Variants in PUM3 observed in about 807,000 individuals in gnomAD.
The protein encoded by PUM3 is pumilio homolog 3.
PUM3 carries 91 observed loss-of-function variants against 84.0 expected under a neutral mutation model. That is an observed-to-expected ratio of 1.08 (90% confidence interval 0.91 to 1.29). PUM3 has a LOEUF of 1.29. PUM3 is among the 50% of genes most tolerant of loss of function. PUM3 has a pLI of 0.00. For synonymous variants in PUM3, 321 were observed against 266.7 expected, an observed-to-expected ratio of 1.20 and a Z score of -1.98; for missense variants, 1,067 against 767.5, an observed-to-expected ratio of 1.39 and a Z score of -4.61.
chr9:2,805,836 TA>T (rs1821245821), intron 17 of PUM3, among the ~76,000 whole-genome samples: 1 of 152,020 alleles, frequency 6.6e-6, no homozygotes, highest in South Asian at 2.1e-4. Context: ...AAAAGCTGAA[TA>T]ATTTTCCCAA....
chr9:2,829,705 G>A (rs146070603), intron 8 of PUM3, 69 bp downstream of exon 8: 12 of 1,313,056 alleles, frequency 9.1e-6, no homozygotes, highest in African/African-American at 7.4e-5. Flanking sequence ...AGATATATAG[G>A]GCACCGGAAG....
chr9:2,818,170 A>G (rs1357104672), intron 13 of PUM3, among the ~76,000 whole-genome samples: 1 of 152,244 alleles, frequency 6.6e-6, no homozygotes, highest in Non-Finnish European at 1.5e-5. Flanking sequence ...GAGTGATGGG[A>G]AAAATCCAAG....
At chr9:2,816,257 G>A (rs1435581499) in intron 13 of PUM3, among the ~76,000 whole-genome samples, 1 of 152,134 alleles carries the variant, frequency 6.6e-6, no homozygotes, top group East Asian at 1.9e-4. Context: ...TTTAACTAAT[G>A]GATAACAGAA....
intron 7 of PUM3, 82 bp from the exon 8 acceptor site, chr9:2,830,030 G>C (rs531966523): frequency 8.1e-7 from 1 of 1,227,488 alleles, no homozygotes; most frequent in African/African-American, 1.5e-5. Flanking sequence ...CTTCTCCCAA[G>C]ACCAACTCAT....
rs188634527 is a variant in PUM3 at position 2,839,736 on chromosome 9, G to T, written c.-10-1219C>A. Among the ~76,000 whole-genome samples the T allele has an allele frequency of 3.2e-4, 48 of 152,290 alleles. No individual in the cohort carries two copies. The East Asian group carries it at 7.7e-3, about 24-fold the overall frequency. On this transcript the variant is annotated intron_variant, in intron 1 of 17. Coordinates refer to ENST00000397885, the MANE Select transcript of PUM3 (RefSeq NM_014878.5). ...AACTGAAGGGTCACATTATTACTTG[G>T]CTATGGCCATCATAACCATACCTGC...
intron 13 of PUM3, among the ~76,000 whole-genome samples, chr9:2,816,245 G>C (rs1018072216): frequency 5.9e-5 from 9 of 152,136 alleles, no homozygotes; most frequent in Non-Finnish European, 1.2e-4. Context: ...AAAACTAAGA[G>C]ATTTAACTAA....
At chr9:2,819,034 C>T (rs954933299) in intron 13 of PUM3, among the ~76,000 whole-genome samples, 1 of 152,070 alleles carries the variant, frequency 6.6e-6, no homozygotes, top group Non-Finnish European at 1.5e-5. Context: ...TCCAAGGGTC[C>T]CATTTATGTA....
At chr9:2,840,462 T>G (rs1252277119) in intron 1 of PUM3, among the ~76,000 whole-genome samples, 1 of 152,246 alleles carries the variant, frequency 6.6e-6, no homozygotes, top group Non-Finnish European at 1.5e-5. Context: ...AACTTTAGCA[T>G]TTGTCGGTGG....
chr9:2,830,885 C>T (rs748914634), intron 7 of PUM3, 77 bp downstream of exon 7: 17 of 738,732 alleles, frequency 2.3e-5, no homozygotes, highest in Non-Finnish European at 3.5e-5. Context: ...GACTTCCTAT[C>T]TCGCATCTGA....
chr9:2,816,978 C>T (rs746419791), intron 13 of PUM3, among the ~76,000 whole-genome samples: 1 of 152,156 alleles, frequency 6.6e-6, no homozygotes, highest in Non-Finnish European at 1.5e-5. Context: ...AAAAGCACTG[C>T]GTAATGCAAT....
At chr9:2,808,592 G>C (rs1160100360) in intron 16 of PUM3, among the ~76,000 whole-genome samples, 4 of 152,198 alleles carry the variant, frequency 2.6e-5, no homozygotes, top group Non-Finnish European at 5.9e-5. Flanking sequence ...ATCATAGTCA[G>C]GTAGCATGTA....
intron 5 of PUM3, among the ~76,000 whole-genome samples, chr9:2,832,365 G>A (rs532063259): frequency 4.6e-5 from 7 of 152,128 alleles, no homozygotes; most frequent in Non-Finnish European, 7.4e-5. Flanking sequence ...CTATTACCCC[G>A]AGGAAGAATC....
rs1362217326 is a variant in PUM3 at position 2,834,105 on chromosome 9, T to C, written c.366A>G (p.Gln122=). 2 of 1,613,824 alleles carry C rather than the reference T, an allele frequency of 1.2e-6. No homozygotes were observed. The highest frequency in any genetic ancestry group is 1.7e-5 in the Admixed American group (1 of 59,972). The change falls in exon 4 of 18, where the codon CAA becomes CAG. Residue 122 remains glutamine, a synonymous_variant. Transcript: ENST00000397885. ...DFKKKKKELK[Q]SRQLSDKTNY... The stretch of plus-strand genomic sequence containing the variant: ...TGGTTTTATCACTGAGTTGTCTGCT[T>C]TGCTTCAGTTCTTTCTTCTTCTTTT...
chr9:2,818,494 C>A (rs1821519234), intron 13 of PUM3, among the ~76,000 whole-genome samples: 1 of 152,218 alleles, frequency 6.6e-6, no homozygotes, highest in Non-Finnish European at 1.5e-5. Flanking sequence ...CAGCTATGCA[C>A]ATTTTAGTTG....
rs1259746575 is a variant in PUM3, at chr9:2,811,503, G to A, written c.1493C>T (p.Ala498Val). The change falls in exon 15 of 18, where the codon GCC (alanine) becomes GTC (valine). Residue 498 changes from alanine (A) to valine (V), a missense_variant. Physicochemically the swap from Ala to Val is moderately conservative, Grantham distance 64. Coordinates refer to ENST00000397885, the MANE Select transcript of PUM3 (RefSeq NM_014878.5). The stretch of plus-strand genomic sequence containing the variant: ...AGACTTATCTAGCACCACTTCTTGG[G>A]CGTGTTCTTGCAGGTAGCTTAACAA... ...PALLSYLQEH[A>V]QEVVLDKSAC... 3.7e-6 allele frequency: 6 copies of A among 1,614,130 alleles called. No homozygotes were observed. Among genetic ancestry groups the A allele is most frequent in the East Asian group, 2.2e-5 (1 of 44,868 alleles).
At chr9:2,812,503 G>C in intron 13 of PUM3, 141 bp from the exon 14 acceptor site, 1 of 592,298 alleles carries the variant, frequency 1.7e-6, no homozygotes, top group Non-Finnish European at 2.9e-6. Flanking sequence ...TATATGTGCT[G>C]CCAAAGTGAG....
chr9:2,828,331 G>A (rs1815878964), intron 9 of PUM3: 2 of 207,500 alleles, frequency 9.6e-6, no homozygotes, highest in South Asian at 1.8e-4. Flanking sequence ...GTGAGCCACT[G>A]TACCTTGCCT....
intron 10 of PUM3, among the ~76,000 whole-genome samples, chr9:2,825,833 C>G (rs1243556450): frequency 1.3e-5 from 2 of 152,138 alleles, no homozygotes; most frequent in Non-Finnish European, 2.9e-5. Context: ...TGGCAACTAA[C>G]AAGTGCAGAG....
chr9:2,824,866 C>T, intron 10 of PUM3, 51 bp from the exon 11 acceptor site: 1 of 1,305,726 alleles, frequency 7.7e-7, no homozygotes, highest in Non-Finnish European at 1.0e-6. Flanking sequence ...TTTCTTCTTT[C>T]TACTGTTTTA....
Sources: gnomAD v4.1 joint callset for allele counts (sites outside exome capture counted in the v4.1 genomes callset) on GRCh38, gnomAD v4.1.1 for gene constraint, MANE v1.5 for transcripts, NCBI Gene and HGNC (gene_info 2026-07-23, HGNC 2026-07-21) for gene names.